The following COL4A6 variants were observed in gnomAD, a reference collection of about 807,000 sequenced individuals.
COL4A6 encodes collagen type IV alpha 6 chain.
Under a neutral mutation model 126.7 loss-of-function variants are expected in COL4A6, and 59 were observed. That is an observed-to-expected ratio of 0.47 (90% CI 0.38 to 0.58). The LOEUF (loss-of-function observed/expected upper bound fraction) is 0.58. COL4A6 is among the 20% of genes least tolerant of loss of function. The pLI, the probability that COL4A6 is intolerant of heterozygous loss-of-function variation, is 0.00. For synonymous variants in COL4A6, 547 were observed against 496.6 expected, an observed-to-expected ratio of 1.10 and a Z score of -1.35; for missense variants, 1,285 against 1,337.3, an observed-to-expected ratio of 0.96 and a Z score of 0.61.
intron 2 of COL4A6, among the ~76,000 whole-genome samples, chrX:108,319,313 G>T (rs764748074): frequency 8.9e-6 from 1 of 112,184 alleles, no homozygotes; most frequent in East Asian, 2.8e-4. Flanking sequence ...GAGGCTGATC[G>T]TGCCACTGCA....
intron 12 of COL4A6, among the ~76,000 whole-genome samples, chrX:108,203,433 T>A (rs907550341): frequency 8.9e-6 from 1 of 112,224 alleles, no homozygotes; most frequent in Admixed American, 9.4e-5. Context: ...ATACGTGCCA[T>A]GGAAAAGCTC....
At chrX:108,199,140 T>G (rs2035312425) in intron 13 of COL4A6, among the ~76,000 whole-genome samples, 1 of 110,728 alleles carries the variant, frequency 9.0e-6, no homozygotes, top group African/African-American at 3.3e-5. Flanking sequence ...TTGGGCACTT[T>G]GTCTCTTACA....
chrX:108,193,204 T>C (rs2035104392), intron 17 of COL4A6, among the ~76,000 whole-genome samples: 1 of 111,992 alleles, frequency 8.9e-6, no homozygotes, highest in Admixed American at 9.4e-5. Flanking sequence ...AGCCACTTGC[T>C]CCCCTAACTA....
intron 37 of COL4A6, 93 bp downstream of exon 37, chrX:108,169,402 C>T: frequency 1.6e-5 from 18 of 1,111,876 alleles, no homozygotes; most frequent in Non-Finnish European, 2.1e-5. Context: ...ACTCACAGCC[C>T]AACCCTGTGA....
At chrX:108,276,587 G>T (rs1217347647) in intron 3 of COL4A6, among the ~76,000 whole-genome samples, 1 of 112,274 alleles carries the variant, frequency 8.9e-6, no homozygotes, top group Non-Finnish European at 1.9e-5. Context: ...TGTGAAAGAT[G>T]AGGACATTTG....
At chrX:108,362,032 G>A (rs1223657681) in intron 2 of COL4A6, among the ~76,000 whole-genome samples, 2 of 110,588 alleles carry the variant, frequency 1.8e-5, no homozygotes, top group Non-Finnish European at 3.8e-5. Flanking sequence ...GGCATCTCTA[G>A]ATCTCAATTC....
intron 5 of COL4A6, among the ~76,000 whole-genome samples, chrX:108,217,642 A>G (rs996169077): frequency 2.7e-5 from 3 of 111,328 alleles, no homozygotes; most frequent in Non-Finnish European, 5.7e-5. Context: ...GGAGTATTTG[A>G]GACGGGTACC....
intron 32 of COL4A6, among the ~76,000 whole-genome samples, chrX:108,171,702 G>T (rs944152694): frequency 8.0e-5 from 9 of 112,287 alleles, no homozygotes; most frequent in African/African-American, 2.6e-4. Context: ...CACATCACTA[G>T]GCTCAGTATG....
Position 108,196,509 on chromosome X carries a change from A to T in COL4A6, c.903+2T>A. ...CAGGCAAGTAACATTCGAGGTTCATACCCTAGGTCCTGGCAAACCAGGGAT... is the reference window on the plus strand; with the variant it reads ...CAGGCAAGTAACATTCGAGGTTCATTCCCTAGGTCCTGGCAAACCAGGGAT... On this transcript the variant is annotated splice_donor_variant, in intron 14 of 44. Transcript: ENST00000334504. LOFTEE classifies it high-confidence loss of function. 1 of 1,206,657 alleles carries T rather than the reference A, an allele frequency of 8.3e-7. No individual in the cohort carries two copies. Among genetic ancestry groups the T allele is most frequent in the Non-Finnish European group, 1.1e-6 (1 of 891,360 alleles).
intron 24 of COL4A6, 55 bp from the exon 25 acceptor site, chrX:108,180,677 G>T (rs1355496187): frequency 1.0e-6 from 1 of 966,844 alleles, no homozygotes. Context: ...TGCTAGGTAT[G>T]ATTTGTGATG....
At chrX:108,291,500 C>T (rs868131164) in intron 3 of COL4A6, among the ~76,000 whole-genome samples, 2 of 111,584 alleles carry the variant, frequency 1.8e-5, no homozygotes, top group Middle Eastern at 9.3e-3. Flanking sequence ...ATATACCATA[C>T]TTCTTTAAGT....
intron 3 of COL4A6, among the ~76,000 whole-genome samples, chrX:108,283,142 T>C (rs1051733210): frequency 2.8e-5 from 3 of 108,278 alleles, no homozygotes; most frequent in Non-Finnish European, 5.7e-5. Context: ...AAACTTAAAG[T>C]ATAATAATAA....
chrX:108,280,688 C>CTAAA (rs2037785519), intron 3 of COL4A6, among the ~76,000 whole-genome samples: 1 of 111,173 alleles, frequency 9.0e-6, no homozygotes, highest in Non-Finnish European at 1.9e-5. Context: ...AGAGACACAA[C>CTAAA]CAAAAAAGAG....
intron 11 of COL4A6, among the ~76,000 whole-genome samples, chrX:108,205,046 GA>G (rs758423953): frequency 3.7e-4 from 40 of 109,531 alleles, no homozygotes; most frequent in Middle Eastern, 4.6e-3. Context: ...GGAAGTGGAG[GA>G]GGGGGAGGAG....
intron 2 of COL4A6, among the ~76,000 whole-genome samples, chrX:108,379,311 G>A (rs1603193025): frequency 9.1e-6 from 1 of 109,788 alleles, no homozygotes. Context: ...GTGCAGTGGC[G>A]CAATCATAGC....
At chrX:108,406,659 T>C (rs897494548) in intron 2 of COL4A6, among the ~76,000 whole-genome samples, 5 of 112,193 alleles carry the variant, frequency 4.5e-5, no homozygotes, top group Non-Finnish European at 9.4e-5. Flanking sequence ...TATCTTGTCC[T>C]GGCTTTATCC....
chrX:108,410,739 G>T (rs2041309336), intron 2 of COL4A6, among the ~76,000 whole-genome samples: 1 of 111,126 alleles, frequency 9.0e-6, no homozygotes, highest in Non-Finnish European at 1.9e-5. Context: ...ACATTTTAGA[G>T]TACCCAAAGA....
At chrX:108,238,095 G>GGT (rs1257965116) in intron 3 of COL4A6, among the ~76,000 whole-genome samples, 20 of 97,436 alleles carry the variant, frequency 2.1e-4, no homozygotes, top group South Asian at 4.7e-4. Flanking sequence ...TCTGGTTTTG[G>GGT]GTGTGTGTGT....
intron 2 of COL4A6, 117 bp from the exon 3 acceptor site, chrX:108,310,945 C>G (rs2038746410): frequency 5.6e-6 from 3 of 540,391 alleles, no homozygotes; most frequent in Non-Finnish European, 9.3e-6. Flanking sequence ...ATGATCTTAT[C>G]TGATGTTGTC....
Sources: gnomAD v4.1 joint callset for allele counts (sites outside exome capture counted in the v4.1 genomes callset) on GRCh38, gnomAD v4.1.1 for gene constraint, MANE v1.5 for transcripts, NCBI Gene and HGNC (gene_info 2026-07-23, HGNC 2026-07-21) for gene names.